The following CELSR2 variants were observed in gnomAD, a reference collection of about 807,000 sequenced individuals.
The protein encoded by CELSR2 is EGF-like protein 2.
Under a neutral mutation model 251.6 loss-of-function variants are expected in CELSR2, and 81 were observed. The ratio of observed to expected loss-of-function variants is 0.32; its 90% confidence interval spans 0.27 to 0.39. CELSR2 has a LOEUF of 0.39. CELSR2 is among the 10% of genes least tolerant of loss of function. The pLI is 1.00. For missense variants in CELSR2, 3,365 were observed against 3,947.7 expected, an observed-to-expected ratio of 0.85 and a Z score of 3.96; for synonymous variants, 1,721 against 1,670.5, an observed-to-expected ratio of 1.03 and a Z score of -0.74.
At position 109,269,299 on chromosome 1, in the gene CELSR2, C is replaced by A. The variant is rs200609058; in HGVS notation, c.6812+9C>A. ...GACAAGCGCAGCTTGAGGTCAGCAG[C>A]TAGGGGACAGGTGTGGGTAGGGGTA... On this transcript the variant is annotated intron_variant, in intron 20 of 33. Transcript: ENST00000271332. The surrounding 1 kb of genome is among the most constrained non-coding windows in gnomAD (Gnocchi z 6.4). The A allele has an allele frequency of 1.2e-6, 2 of 1,612,972 alleles. No homozygotes were observed. The highest frequency in any genetic ancestry group is 1.7e-6 in the Non-Finnish European group (2 of 1,179,900).
chr1:109,269,836 GC>G lies in CELSR2; in HGVS notation c.7107+17del. Reference sequence around the variant, plus strand: ...TCGGCGGGAGGTCGGGCCCACAGGGGCAGCTGCAGAGCCGTGGGTGGGCACC... The same window carrying G: ...TCGGCGGGAGGTCGGGCCCACAGGGGAGCTGCAGAGCCGTGGGTGGGCACC... On this transcript the variant is annotated intron_variant, in intron 22 of 33. Coordinates refer to ENST00000271332, the MANE Select transcript of CELSR2 (RefSeq NM_001408.3). The surrounding 1 kb of genome is among the most constrained non-coding windows in gnomAD (Gnocchi z 6.4). 6.2e-7 allele frequency: 1 copy of G among 1,612,880 alleles called. No individual in the cohort carries two copies. The highest frequency in any genetic ancestry group is 8.5e-7 in the Non-Finnish European group (1 of 1,179,906).
In CELSR2 at chr1:109,269,980, T is replaced by C; in HGVS notation, c.7155T>C (p.Gly2385=). ...AGACACTGACATACGTGGCTCTAGG[T>C]GTCACCTTGGCTGCCCTTCTGCTCA... ...PLKTLTYVAL[G]VTLAALLLTF... is the part of the protein sequence containing the mutation. The change falls in exon 23 of 34, where the codon GGT becomes GGC. Residue 2385 remains glycine, a synonymous_variant. Transcript: ENST00000271332. This position sits in a 1 kb window ranked among gnomAD's most constrained non-coding sequence, Gnocchi z 6.4. 2 of 1,614,106 alleles carry C rather than the reference T, an allele frequency of 1.2e-6. No individual in the cohort carries two copies. Among genetic ancestry groups the C allele is most frequent in the Non-Finnish European group, 1.7e-6 (2 of 1,180,012 alleles).
chr1:109,271,480 C>T lies in CELSR2; in HGVS notation c.7771C>T (p.His2591Tyr), dbSNP rs1656371072. The T allele has an allele frequency of 6.2e-7, 1 of 1,614,196 alleles. No homozygotes were observed. Among genetic ancestry groups the T allele is most frequent in the African/African-American group, 1.3e-5 (1 of 75,068 alleles). Residue 2591 changes from histidine (H) to tyrosine (Y), a missense_variant, in exon 27 of 34, where the codon CAC becomes TAC. Transcript: ENST00000271332. Reference sequence around the variant, plus strand: ...TGTCAACAGCGACACCCTCCTCTTCCACTACCTCTTTGCTACCTGCAATTG... The same window carrying T: ...TGTCAACAGCGACACCCTCCTCTTCTACTACCTCTTTGCTACCTGCAATTG... Reference protein sequence around the residue: ...LSVNSDTLLFHYLFATCNCIQ... With the variant: ...LSVNSDTLLFYYLFATCNCIQ...
In CELSR2 at chr1:109,270,022, T is replaced by C. The variant is rs762822024; in HGVS notation, c.7197T>C (p.Thr2399=). Residue 2399 remains threonine (T), a synonymous_variant, in exon 23 of 34, where the codon ACT becomes ACC. Coordinates refer to ENST00000271332, the MANE Select transcript of CELSR2 (RefSeq NM_001408.3). The stretch of plus-strand genomic sequence containing the variant: ...TTCTGCTCACCTTCTTCTTCCTCAC[T>C]CTCTTGCGTATCCTGCGCTCCAACC... ...AALLLTFFFL[T]LLRILRSNQH... The C allele has an allele frequency of 3.1e-6, 5 of 1,613,950 alleles. No individual in the cohort carries two copies. The South Asian group carries it at 5.5e-5, about 18-fold the overall frequency.
At position 109,270,056 on chromosome 1, in the gene CELSR2, A is replaced by G. The variant is rs78104849; in HGVS notation, c.7231A>G (p.Ile2411Val). Reference sequence around the variant, plus strand: ...TATCCTGCGCTCCAACCAACACGGCATCCGACGTAACCTGACAGCTGCCCT... The same window carrying G: ...TATCCTGCGCTCCAACCAACACGGCGTCCGACGTAACCTGACAGCTGCCCT... ...LRILRSNQHG[I>V]RRNLTAALGL... Residue 2411 changes from isoleucine (I) to valine (V), a missense_variant, in exon 23 of 34, where the codon ATC becomes GTC. Coordinates refer to ENST00000271332, the MANE Select transcript of CELSR2 (RefSeq NM_001408.3). The G allele has an allele frequency of 6.2e-7, 1 of 1,613,986 alleles. No individual in the cohort carries two copies. Among genetic ancestry groups the G allele is most frequent in the African/African-American group, 1.3e-5 (1 of 74,970 alleles).
intron 17 of CELSR2, 75 bp downstream of exon 17, chr1:109,268,135 G>C (rs956752549): frequency 2.0e-6 from 3 of 1,514,258 alleles, no homozygotes; most frequent in African/African-American, 2.7e-5. Context: ...GGCAACCTGG[G>C]GGGCAGAGGG....
chr1:109,264,486 T>A lies in CELSR2; in HGVS notation c.5322T>A (p.Val1774=). Residue 1774 remains valine (V), a synonymous_variant, in exon 11 of 34, where the codon GTT becomes GTA. Coordinates refer to ENST00000271332, the MANE Select transcript of CELSR2 (RefSeq NM_001408.3). ...GVRVSDTPEG[V]NSLDPSHGES... The stretch of plus-strand genomic sequence containing the variant: ...GGGTGAGCGATACGCCGGAGGGGGT[T>A]AACAGCCTGGATCCCAGCCATGGGG... 1 of 1,613,916 alleles carries A rather than the reference T, an allele frequency of 6.2e-7. No individual in the cohort carries two copies. The highest frequency in any genetic ancestry group is 1.3e-5 in the African/African-American group (1 of 75,052).
Position 109,268,933 on chromosome 1 carries a change from C to A in CELSR2, c.6556C>A (p.Arg2186Ser). The change falls in exon 19 of 34, where the codon CGC becomes AGC. Residue 2186 changes from arginine to serine, a missense_variant. Transcript: ENST00000271332. ...KGNFAGAKLPRYEALRGEQPP... is the reference protein window; with the variant it reads ...KGNFAGAKLPSYEALRGEQPP... ...GAACTTTGCTGGGGCCAAGCTGCCC[C>A]GCTACGAGGCCCTGCGTGGGGAGCA... 1 of 1,613,472 alleles carries A rather than the reference C, an allele frequency of 6.2e-7. No homozygotes were observed. The highest frequency in any genetic ancestry group is 1.7e-4 in the Middle Eastern group (1 of 6,060).
Position 109,262,852 on chromosome 1 carries a change from C to G in CELSR2, c.4591C>G (p.Leu1531Val), listed in dbSNP as rs772602228. The G allele has an allele frequency of 5.0e-6, 8 of 1,613,596 alleles. No individual in the cohort carries two copies. In the East Asian group the frequency reaches 1.8e-4, roughly 36 times the overall value. ...CCTGCTACTAGGCGGGGTGCCTGAC[C>G]TGCCCGAGAGCTTCCCAGTCCGAAT... ...GPLLLGGVPD[L>V]PESFPVRMRQ... is the part of the protein sequence containing the mutation. Residue 1531 changes from leucine to valine, a missense_variant, in exon 7 of 34, where the codon CTG (leucine) becomes GTG (valine). By Grantham distance (32) the Leu-to-Val change is conservative. Coordinates refer to ENST00000271332, the MANE Select transcript of CELSR2 (RefSeq NM_001408.3).
chr1:109,264,593 A>G lies in CELSR2; in HGVS notation c.5429A>G (p.Asn1810Ser), dbSNP rs1424416257. Residue 1810 changes from asparagine (N) to serine (S), a missense_variant, in exon 11 of 34, where the codon AAC (asparagine) becomes AGC (serine). This residue lies in a region of CELSR2 where 2,093 missense variants were observed against 2,382.8 expected (regional missense o/e 0.88). Coordinates refer to ENST00000271332, the MANE Select transcript of CELSR2 (RefSeq NM_001408.3). ...NPCPANSYCS[N>S]DWDSYSCSCD... ...TGTCCTGCTAACAGCTATTGCAGCA[A>G]CGACTGGGACAGCTATTCCTGCAGC... is the stretch of plus-strand genomic sequence containing the variant. 1 of 1,613,806 alleles carries G rather than the reference A, an allele frequency of 6.2e-7. No individual in the cohort carries two copies. Among genetic ancestry groups the G allele is most frequent in the South Asian group, 1.1e-5 (1 of 91,088 alleles).
chr1:109,261,454 GGGTGCTGGCATCCA>G lies in CELSR2; in HGVS notation c.4182-54_4182-41del. 20 of 1,520,680 alleles carry G rather than the reference GGGTGCTGGCATCCA, an allele frequency of 1.3e-5. No individual in the cohort carries two copies. Among genetic ancestry groups the G allele is most frequent in the Non-Finnish European group, 1.8e-5 (20 of 1,095,316 alleles). 94.2% of individuals were successfully genotyped at this position (1,520,680 alleles called of 1,614,324 possible). A position where few individuals can be genotyped will look rare whatever the true frequency, so the allele number is the denominator to read the frequency against. On this transcript the variant is annotated intron_variant, in intron 3 of 33. Coordinates refer to ENST00000271332, the MANE Select transcript of CELSR2 (RefSeq NM_001408.3). The surrounding 1 kb of genome is among the most constrained non-coding windows in gnomAD (Gnocchi z 4.8). The stretch of plus-strand genomic sequence containing the variant: ...CTCCCCTGCGCTGGTTAGGTGGCGG[GGGTGCTGGCATCCA>G]GGTGGGTACCCCATTCCCTGCCCCC...
rs1318695755 is a variant in CELSR2, at chr1:109,250,589, T to A, written c.510T>A (p.Arg170=). 4.3e-6 allele frequency: 7 copies of A among 1,613,340 alleles called. No individual in the cohort carries two copies. The highest frequency in any genetic ancestry group is 5.9e-6 in the Non-Finnish European group (7 of 1,179,874). The change falls in exon 1 of 34, where the codon CGT becomes CGA. Residue 170 remains arginine (R), a synonymous_variant. Coordinates refer to ENST00000271332, the MANE Select transcript of CELSR2 (RefSeq NM_001408.3). The surrounding 1 kb of genome is among the most constrained non-coding windows in gnomAD (Gnocchi z 4.4). ...CACCAGAAGAGTCCCTGGGTGGGCG[T>A]CGGAAAAGGAATGTAAATACAGCCC... ...ERSPEESLGG[R]RKRNVNTAPQ... is the part of the protein sequence containing the mutation.
In CELSR2 at chr1:109,263,611, A is replaced by T; in HGVS notation, c.4835A>T (p.Glu1612Val). Residue 1612 changes from glutamate (E) to valine (V), a missense_variant and splice_region_variant, in exon 9 of 34, where the codon GAA becomes GTA. Glu to Val is a moderately radical substitution (Grantham distance 121). Around this residue, in one of 5 missense-constraint regions of CELSR2, gnomAD observed 2,093 missense variants for 2,382.8 expected, o/e 0.88. Coordinates refer to ENST00000271332, the MANE Select transcript of CELSR2 (RefSeq NM_001408.3). ...AGTCTGCCTTTTCCTGCCTCCCCAG[A>T]AATGGCCAATCCACAGCACTTCCTG... ...LGFGGKSCAQ[E>V]MANPQHFLGS... 1 of 1,613,626 alleles carries T rather than the reference A, an allele frequency of 6.2e-7. No homozygotes were observed. The highest frequency in any genetic ancestry group is 1.1e-5 in the South Asian group (1 of 91,064).
In CELSR2 at chr1:109,261,400, G is replaced by GT; in HGVS notation, c.4182-111dup. The stretch of plus-strand genomic sequence containing the variant: ...CGGCAGAGCCAGGTCTGCTCTTGGA[G>GT]TTGCCTGTGGTTCTGCCAGCAGATC... On this transcript the variant is annotated intron_variant, in intron 3 of 33. Transcript: ENST00000271332. The surrounding 1 kb of genome is among the most constrained non-coding windows in gnomAD (Gnocchi z 4.8). The GT allele has an allele frequency of 7.5e-7, 1 of 1,341,020 alleles. No individual in the cohort carries two copies. Among genetic ancestry groups the GT allele is most frequent in the Non-Finnish European group, 1.1e-6 (1 of 939,646 alleles). 83.1% of individuals were successfully genotyped at this position (1,341,020 alleles called of 1,614,324 possible).
intron 13 of CELSR2, 52 bp from the exon 14 acceptor site, chr1:109,265,682 GC>G: frequency 2.5e-6 from 4 of 1,573,586 alleles, no homozygotes; most frequent in Admixed American, 3.4e-5. Flanking sequence ...GGACCCATGA[GC>G]ATCCTGGGAA....
intron 5 of CELSR2, 52 bp from the exon 6 acceptor site, chr1:109,262,235 C>T (rs1570784135): frequency 1.3e-6 from 2 of 1,595,556 alleles, no homozygotes; most frequent in East Asian, 4.5e-5. Flanking sequence ...GGCCATGAAC[C>T]TAGTGGGCTC....
At position 109,272,327 on chromosome 1, in the gene CELSR2, A is replaced by T; in HGVS notation, c.7976A>T (p.Tyr2659Phe). The T allele has an allele frequency of 6.2e-7, 1 of 1,612,404 alleles. No individual in the cohort carries two copies. Among genetic ancestry groups the T allele is most frequent in the South Asian group, 1.1e-5 (1 of 91,046 alleles). ...GCAGATGGGCGGCTGTACCAGCCCT[A>T]CGGAGACTCGGCCGGCTCTCTGCAC... ...PYADGRLYQP[Y>F]GDSAGSLHST... The change falls in exon 29 of 34, where the codon TAC (tyrosine) becomes TTC (phenylalanine). Residue 2659 changes from tyrosine to phenylalanine, a missense_variant. Around this residue, in one of 5 missense-constraint regions of CELSR2, gnomAD observed 2,093 missense variants for 2,382.8 expected, o/e 0.88. Coordinates refer to ENST00000271332, the MANE Select transcript of CELSR2 (RefSeq NM_001408.3).
chr1:109,255,478 C>T (rs890875270), intron 1 of CELSR2, among the ~76,000 whole-genome samples: 5 of 152,232 alleles, frequency 3.3e-5, no homozygotes, highest in African/African-American at 1.2e-4. Context: ...GAATTCTCCT[C>T]GCCTCTTTCT....
chr1:109,257,991 T>TG (rs1025702762), intron 1 of CELSR2, among the ~76,000 whole-genome samples: 5 of 151,884 alleles, frequency 3.3e-5, no homozygotes, highest in African/African-American at 9.7e-5. Flanking sequence ...CCTGCTGCTG[T>TG]GGGGGAGTGG....
Sources: gnomAD v4.1 joint callset for allele counts (sites outside exome capture counted in the v4.1 genomes callset) on GRCh38, gnomAD v4.1.1 for gene constraint, gnomAD v4.1.1 regional missense constraint, Gnocchi (gnomAD v3.1) non-coding constraint, MANE v1.5 for transcripts, NCBI Gene and HGNC (gene_info 2026-07-23, HGNC 2026-07-21) for gene names.